MTR: variants seen among roughly 807,000 people sequenced by gnomAD.
MTR encodes the protein methionine synthase.
Under a neutral mutation model 154.8 loss-of-function variants are expected in MTR, and 84 were observed. That is an observed-to-expected ratio of 0.54 (90% CI 0.45 to 0.65). The LOEUF is 0.65. MTR is among the 30% of genes least tolerant of loss of function. The pLI is 0.00. For synonymous variants in MTR, 554 were observed against 553.9 expected (o/e 1.00, Z 0.00); for missense variants, 1,275 against 1,570.2 (o/e 0.81, Z 3.18).
intron 30 of MTR, 141 bp downstream of exon 30, chr1:236,894,698 A>C: frequency 1.3e-6 from 1 of 750,556 alleles, no homozygotes; most frequent in Non-Finnish European, 2.1e-6. Context: ...TGCTGGCTTT[A>C]ACATTATACG....
At chr1:236,896,782 C>T (rs1313869556) in intron 31 of MTR, among the ~76,000 whole-genome samples, 1 of 152,144 alleles carries the variant, frequency 6.6e-6, no homozygotes, top group Admixed American at 6.5e-5. Context: ...GCCTGTCCCC[C>T]TGGGTTAGAG....
At chr1:236,894,639 C>T (rs1214918216) in intron 30 of MTR, 82 bp downstream of exon 30, 2 of 1,372,722 alleles carry the variant, frequency 1.5e-6, no homozygotes, top group African/African-American at 1.4e-5. Flanking sequence ...GAAGACTGAT[C>T]AGCCCTTAGA....
chr1:236,829,256 AT>A lies in MTR; in HGVS notation c.1064del (p.Met355SerfsTer6). On this transcript the variant is annotated frameshift_variant, in exon 12 of 33. Transcript: ENST00000366577. LOFTEE classifies it high-confidence loss of function. ...ACCTGCCACTGCTTTTGAAGGACAT[AT>A]GTTACTGTCTGGTGAGTCATAAAGA... ...VPPATAFEGH[M>X]LLSGLEPFRI... 6.2e-7 allele frequency: 1 copy of A among 1,613,764 alleles called. No individual in the cohort carries two copies. The highest frequency in any genetic ancestry group is 8.5e-7 in the Non-Finnish European group (1 of 1,179,704).
chr1:236,806,310 A>T lies in MTR; in HGVS notation c.339+77A>T, dbSNP rs1558273644. 2.6e-6 allele frequency: 3 copies of T among 1,169,756 alleles called. No homozygotes were observed. The African/African-American group carries it at 4.5e-5, about 18-fold the overall frequency. The allele number at this position is 1,169,756 out of a possible 1,614,324, so 72.5% of individuals were successfully genotyped here. A position where few individuals can be genotyped will look rare whatever the true frequency, so the allele number is the denominator to read the frequency against. On this transcript the variant is annotated intron_variant, in intron 3 of 32. Transcript: ENST00000366577. ...ATTGGTAGTTGCTAGTGAGTAAAGC[A>T]CTGGAAGCTGCAGAGTCAAGCTAAT...
At position 236,902,743 on chromosome 1, in the gene MTR, C is replaced by T. The variant is rs1389904743; in HGVS notation, c.*5099C>T. On this transcript the variant is annotated 3_prime_UTR_variant, in exon 33 of 33. Transcript: ENST00000366577. The stretch of plus-strand genomic sequence containing the variant: ...AAGCGCTGTATCAAAGCCCTAGCAC[C>T]CTCTCTACACCCACCTTCAGTATTT... The T allele has an allele frequency of 6.6e-6, 1 of 150,386 alleles. No homozygotes were observed. Among genetic ancestry groups the T allele is most frequent in the Non-Finnish European group, 1.5e-5 (1 of 68,000 alleles). The allele number at this position is 150,386 out of a possible 1,614,324, so 9.3% of individuals were successfully genotyped here. A position where few individuals can be genotyped will look rare whatever the true frequency, so the allele number is the denominator to read the frequency against.
chr1:236,892,015 C>T (rs905217207), intron 29 of MTR, among the ~76,000 whole-genome samples: 1 of 152,026 alleles, frequency 6.6e-6, no homozygotes, highest in African/African-American at 2.4e-5. Context: ...GTCTCTCATC[C>T]CCCCCACCTT....
intron 6 of MTR, among the ~76,000 whole-genome samples, chr1:236,813,581 TG>T (rs1227127172): frequency 6.6e-6 from 1 of 152,202 alleles, no homozygotes; most frequent in Non-Finnish European, 1.5e-5. Context: ...GTTTGACAGG[TG>T]GTACCTCACT....
intron 22 of MTR, among the ~76,000 whole-genome samples, chr1:236,872,359 G>A (rs1012755099): frequency 6.6e-5 from 10 of 152,022 alleles, no homozygotes; most frequent in African/African-American, 1.9e-4. Context: ...TCTTGCCCTC[G>A]GTGACCTGCA....
chr1:236,842,800 A>ATATAT (rs1553317631), intron 15 of MTR, among the ~76,000 whole-genome samples: 3 of 150,018 alleles, frequency 2.0e-5, no homozygotes, highest in Non-Finnish European at 1.5e-5. Flanking sequence ...ATATATATAT[A>ATATAT]ATTGGCCAGG....
chr1:236,843,891 C>T (rs758120429), intron 15 of MTR, among the ~76,000 whole-genome samples: 19 of 152,082 alleles, frequency 1.2e-4, no homozygotes, highest in African/African-American at 3.9e-4. Flanking sequence ...GTGGGTATGT[C>T]GAGTGTGCAG....
intron 22 of MTR, among the ~76,000 whole-genome samples, chr1:236,865,114 G>T (rs1037404564): frequency 6.6e-6 from 1 of 152,198 alleles, no homozygotes; most frequent in Non-Finnish European, 1.5e-5. Context: ...TTTCTCCAGG[G>T]TGCTACTGGA....
At chr1:236,857,740 C>T (rs768793472) in intron 18 of MTR, among the ~76,000 whole-genome samples, 3 of 152,262 alleles carry the variant, frequency 2.0e-5, no homozygotes, top group Admixed American at 6.5e-5. Context: ...TGTCACCCAG[C>T]GCAGCAAGTG....
At chr1:236,828,361 A>G (rs1662419436) in intron 11 of MTR, among the ~76,000 whole-genome samples, 1 of 151,994 alleles carries the variant, frequency 6.6e-6, no homozygotes, top group Non-Finnish European at 1.5e-5. Flanking sequence ...ATCAGCAACT[A>G]TTTCTTTTTG....
intron 15 of MTR, among the ~76,000 whole-genome samples, chr1:236,842,430 G>A (rs1162412091): frequency 1.3e-5 from 2 of 152,044 alleles, no homozygotes; most frequent in Non-Finnish European, 2.9e-5. Context: ...TTTTGGACAG[G>A]TTGCCTAATT....
intron 27 of MTR, among the ~76,000 whole-genome samples, chr1:236,887,070 G>A (rs1169587934): frequency 2.0e-5 from 3 of 152,274 alleles, no homozygotes; most frequent in Non-Finnish European, 4.4e-5. Context: ...TTTGACAGGC[G>A]CAGAGAGGCG....
intron 15 of MTR, among the ~76,000 whole-genome samples, chr1:236,841,676 G>C (rs930443534): frequency 6.7e-6 from 1 of 149,672 alleles, no homozygotes; most frequent in Non-Finnish European, 1.5e-5. Flanking sequence ...ATTTGGTAGA[G>C]TGCATTCTCT....
At chr1:236,803,709 G>A (rs1315111439) in intron 2 of MTR, 67 bp downstream of exon 2, 2 of 1,485,942 alleles carry the variant, frequency 1.3e-6, no homozygotes, top group East Asian at 4.6e-5. Context: ...ATGTATCAGG[G>A]CAGGCTGCTA....
rs1311964329 is a variant in MTR, at chr1:236,895,402, G to T, written c.3450G>T (p.Trp1150Cys). 1 of 1,605,142 alleles carries T rather than the reference G, an allele frequency of 6.2e-7. No individual in the cohort carries two copies. The highest frequency in any genetic ancestry group is 8.5e-7 in the Non-Finnish European group (1 of 1,175,576). The change falls in exon 31 of 33, where the codon TGG becomes TGT. Residue 1150 changes from tryptophan to cysteine, a missense_variant. Trp to Cys is a radical substitution (Grantham distance 215, BLOSUM62 -2). Coordinates refer to ENST00000366577, the MANE Select transcript of MTR (RefSeq NM_000254.3). ...ATGAAAGAGTTCGCCGAGAACTGTG[G>T]GCCTACTGTGGCAGTGAGCAGCTGG... ...ELHERVRREL[W>C]AYCGSEQLDV... is the part of the protein sequence containing the mutation.
intron 8 of MTR, among the ~76,000 whole-genome samples, chr1:236,822,833 A>G (rs148897187): frequency 3.2e-4 from 48 of 152,246 alleles, no homozygotes; most frequent in African/African-American, 1.2e-3. Context: ...TTTACTTTCT[A>G]TCTTTTCTTA....
Sources: allele counts gnomAD v4.1 joint callset (sites outside exome capture counted in the v4.1 genomes callset), GRCh38; gene constraint gnomAD v4.1.1; transcripts MANE v1.5; gene names NCBI Gene and HGNC (gene_info 2026-07-23, HGNC 2026-07-21).